FALEC: variants seen among roughly 807,000 people sequenced by gnomAD.
FALEC encodes focally amplified lncRNA regulator of ECM1.
the FALEC span, among the ~76,000 whole-genome samples, chr1:150,532,664 CT>C: frequency 1.3e-5 from 2 of 152,056 alleles, no homozygotes; most frequent in African/African-American, 4.8e-5. Flanking sequence ...CAGATATTCA[CT>C]GAGTGCATAG....
downstream of FALEC, among the ~76,000 whole-genome samples, chr1:150,522,218 G>A (rs1311279577): frequency 4.0e-5 from 6 of 150,020 alleles, no homozygotes; most frequent in Admixed American, 4.0e-4. Context: ...CTGCACTCCA[G>A]CCTAGGTGAC....
chr1:150,522,598 G>C (rs1487162454), downstream of FALEC, among the ~76,000 whole-genome samples: 4 of 151,188 alleles, frequency 2.6e-5, no homozygotes, highest in Admixed American at 6.6e-5. Context: ...ACTCCAGCCT[G>C]GGCAGCAAAG....
the FALEC span, among the ~76,000 whole-genome samples, chr1:150,536,360 G>T: frequency 1.5e-4 from 23 of 152,192 alleles, no homozygotes; most frequent in Admixed American, 1.0e-3. Context: ...AAGTCTTTGG[G>T]TTAAAAGGCC....
chr1:150,518,289 T>C (rs954061255), downstream of FALEC, among the ~76,000 whole-genome samples: 1 of 152,134 alleles, frequency 6.6e-6, no homozygotes, highest in African/African-American at 2.4e-5. Flanking sequence ...TAGTCAGTTG[T>C]TTAGGCCAGA....
downstream of FALEC, among the ~76,000 whole-genome samples, chr1:150,522,947 G>GTATATA (rs1670671925): frequency 7.2e-5 from 1 of 13,862 alleles, no homozygotes; most frequent in African/African-American, 3.3e-4. Flanking sequence ...GTGTGTGTGT[G>GTATATA]TGTATATATA....
At chr1:150,522,910 T>TAC (rs1670669003), downstream of FALEC, among the ~76,000 whole-genome samples, 5 of 111,310 alleles carry the variant, frequency 4.5e-5, no homozygotes, top group African/African-American at 8.1e-5. Flanking sequence ...TATACATATA[T>TAC]ATACATATAT....
chr1:150,533,976 C>A, the FALEC span, among the ~76,000 whole-genome samples: 5 of 152,262 alleles, frequency 3.3e-5, no homozygotes, highest in East Asian at 7.7e-4. Flanking sequence ...TAAAATCTGG[C>A]GTAAAGGACT....
At chr1:150,521,010 A>C (rs1670635507), downstream of FALEC, among the ~76,000 whole-genome samples, 1 of 151,788 alleles carries the variant, frequency 6.6e-6, no homozygotes, top group African/African-American at 2.4e-5. Context: ...CGTGTTGGTC[A>C]AGCTGGTCTC....
chr1:150,525,260 C>A, the FALEC span, among the ~76,000 whole-genome samples: 1 of 152,070 alleles, frequency 6.6e-6, no homozygotes, highest in South Asian at 2.1e-4. Flanking sequence ...GCACTCCAGT[C>A]TGGGCGACAG....
chr1:150,535,676 G>A, the FALEC span, among the ~76,000 whole-genome samples: 2 of 152,304 alleles, frequency 1.3e-5, no homozygotes, highest in East Asian at 1.9e-4. Flanking sequence ...GAACCCTGAC[G>A]CTTGGCATGG....
chr1:150,527,010 A>C, the FALEC span, among the ~76,000 whole-genome samples: 2 of 149,416 alleles, frequency 1.3e-5, no homozygotes, highest in Non-Finnish European at 3.0e-5. Flanking sequence ...ATCTCGGCTT[A>C]CTGCAACCTC....
the FALEC span, among the ~76,000 whole-genome samples, chr1:150,524,019 C>T: frequency 6.6e-6 from 1 of 152,176 alleles, no homozygotes; most frequent in Non-Finnish European, 1.5e-5. Context: ...CCCAGAGCCT[C>T]CGGAAGGAAC....
At chr1:150,530,222 T>C in the FALEC span, among the ~76,000 whole-genome samples, 3 of 152,316 alleles carry the variant, frequency 2.0e-5, no homozygotes, top group East Asian at 5.8e-4. Flanking sequence ...TTCAGAGGGC[T>C]GTGAAGATTA....
At chr1:150,519,000 G>A (rs1444308383), downstream of FALEC, among the ~76,000 whole-genome samples, 1 of 152,128 alleles carries the variant, frequency 6.6e-6, no homozygotes, top group Non-Finnish European at 1.5e-5. Flanking sequence ...AGGTTGCAGT[G>A]AGCTGAGATC....
At chr1:150,533,223 C>T in the FALEC span, among the ~76,000 whole-genome samples, 1 of 152,184 alleles carries the variant, frequency 6.6e-6, no homozygotes, top group Non-Finnish European at 1.5e-5. Flanking sequence ...GCTGCTTTGC[C>T]AAGCTCCTGT....
At chr1:150,531,077 T>C in the FALEC span, among the ~76,000 whole-genome samples, 9 of 152,170 alleles carry the variant, frequency 5.9e-5, no homozygotes, top group African/African-American at 1.9e-4. Flanking sequence ...AATGAAATAC[T>C]CAATGATTCC....
At chr1:150,533,398 T>G in the FALEC span, among the ~76,000 whole-genome samples, 1 of 151,872 alleles carries the variant, frequency 6.6e-6, no homozygotes, top group Non-Finnish European at 1.5e-5. Context: ...AAATGTTTTT[T>G]GTGTATACCT....
At chr1:150,531,324 G>A in the FALEC span, among the ~76,000 whole-genome samples, 1 of 152,100 alleles carries the variant, frequency 6.6e-6, no homozygotes, top group South Asian at 2.1e-4. Flanking sequence ...GAGAAATCCC[G>A]TCTCTACTAA....
At chr1:150,519,728 G>A (rs1670615041), downstream of FALEC, among the ~76,000 whole-genome samples, 1 of 151,900 alleles carries the variant, frequency 6.6e-6, no homozygotes, top group African/African-American at 2.4e-5. Context: ...ATGGTGGTGG[G>A]CGCCTGTAAT....
Sources: allele counts gnomAD v4.1 joint callset (sites outside exome capture counted in the v4.1 genomes callset), GRCh38; gene constraint gnomAD v4.1.1; transcripts MANE v1.5; gene names NCBI Gene and HGNC (gene_info 2026-07-23, HGNC 2026-07-21).